ATP1A2: variants seen among roughly 807,000 people sequenced by gnomAD.
ATP1A2 encodes the protein ATPase Na+/K+ transporting subunit alpha 2.
A neutral mutation model predicts 113.1 loss-of-function variants in ATP1A2; 56 were observed. The ratio of observed to expected loss-of-function variants is 0.49; its 90% CI spans 0.40 to 0.62. The LOEUF (loss-of-function observed/expected upper bound fraction) is 0.62, where lower values mean the gene tolerates loss of function less well. Among genes scored for constraint, ATP1A2 ranks in the 20% least tolerant of loss-of-function variants. The probability of loss-of-function intolerance (pLI) is 0.00; values close to 1 mark genes in which losing one functional copy is unlikely to be tolerated. For missense variants in ATP1A2, 712 were observed against 1,357.8 expected, an observed-to-expected ratio of 0.52 and a Z score of 7.47; for synonymous variants, 490 against 526.8, an observed-to-expected ratio of 0.93 and a Z score of 0.96.
rs1468410734 is a variant in ATP1A2, at chr1:160,120,825, TG to T, written c.13-78del. 5 of 1,435,672 alleles carry T rather than the reference TG, an allele frequency of 3.5e-6. No individual in the cohort carries two copies. In the African/African-American group the frequency reaches 5.7e-5, roughly 16 times the overall value. The allele number at this position is 1,435,672 out of a possible 1,614,324, so 88.9% of individuals were successfully genotyped here. On this transcript the variant is annotated intron_variant, in intron 1 of 22. Transcript: ENST00000361216. ...CTTTTGAACACACACCCCCACTGCC[TG>T]GGCTCCCTGGCTGAGTGGTGGGAAT...
Position 160,136,333 on chromosome 1 carries a change from G to A in ATP1A2, c.2526G>A (p.Val842=), listed in dbSNP as rs777716327. The stretch of plus-strand genomic sequence containing the variant: ...GAAACTCCCAGACGGACAAGCTGGT[G>A]AATGAGAGGCTCATCAGCATGGCCT... The part of the protein sequence containing the change: ...QPRNSQTDKL[V]NERLISMAYG... The change falls in exon 18 of 23, where the codon GTG becomes GTA. Residue 842 remains valine (V), a synonymous_variant. Coordinates refer to ENST00000361216, the MANE Select transcript of ATP1A2 (RefSeq NM_000702.4). 47 of 1,614,078 alleles carry A rather than the reference G, an allele frequency of 2.9e-5. 1 individual carries two copies. The South Asian group carries it at 4.9e-4, about 17-fold the overall frequency.
chr1:160,124,438 G>C lies in ATP1A2; in HGVS notation c.630+8G>C. The C allele has an allele frequency of 1.9e-6, 3 of 1,601,812 alleles. No homozygotes were observed. The highest frequency in any genetic ancestry group is 2.6e-6 in the Non-Finnish European group (3 of 1,174,096). On this transcript the variant is annotated splice_region_variant and intron_variant, in intron 6 of 22. Transcript: ENST00000361216. ...TCTTCTCATGGCTGTAAGGTGAGGA[G>C]GTCATACCAGAGCAAGCAGTTGAGT...
Position 160,135,213 on chromosome 1 carries a change from T to G in ATP1A2, c.2033T>G (p.Ile678Ser). The G allele has an allele frequency of 6.2e-7, 1 of 1,614,134 alleles. No individual in the cohort carries two copies. Among genetic ancestry groups the G allele is most frequent in the Non-Finnish European group, 8.5e-7 (1 of 1,180,016 alleles). The change falls in exon 15 of 23, where the codon ATC becomes AGC. Residue 678 changes from isoleucine (I) to serine (S), a missense_variant. This residue lies in a region of ATP1A2 where 263 missense variants were observed against 380.6 expected (regional missense o/e 0.69). Coordinates refer to ENST00000361216, the MANE Select transcript of ATP1A2 (RefSeq NM_000702.4). This position sits in a 1 kb window ranked among gnomAD's most constrained non-coding sequence, Gnocchi z 6.3. ...KDMTSEQLDE[I>S]LKNHTEIVFA... ...ATGACATCGGAGCAGCTCGATGAGA[T>G]CCTCAAGAACCACACAGAGATCGTC...
rs1311282919 is a variant in ATP1A2, at chr1:160,141,659, A to G, written c.*337A>G. 1 of 374,616 alleles carries G rather than the reference A, an allele frequency of 2.7e-6. No homozygotes were observed. The highest frequency in any genetic ancestry group is 5.1e-6 in the Non-Finnish European group (1 of 196,758). The allele number at this position is 374,616 out of a possible 1,614,324, so 23.2% of individuals were successfully genotyped here. A position where few individuals can be genotyped will look rare whatever the true frequency, so the allele number is the denominator to read the frequency against. ...CCCTTCAACCCCACTTCCTACTGTA[A>G]TAGATCAGCATCCAAAAGCAGGAAC... On this transcript the variant is annotated 3_prime_UTR_variant, in exon 23 of 23. Transcript: ENST00000361216.
In ATP1A2 at chr1:160,141,278, C is replaced by A; in HGVS notation, c.3035-16C>A. 1 of 1,614,010 alleles carries A rather than the reference C, an allele frequency of 6.2e-7. No individual in the cohort carries two copies. The highest frequency in any genetic ancestry group is 1.1e-5 in the South Asian group (1 of 91,076). ...TAAGCTCATGCTGCAATCTCCACTC[C>A]CAATCTCTCTAACAGGCTGGGTGGA... On this transcript the variant is annotated splice_polypyrimidine_tract_variant and intron_variant, in intron 22 of 22. Coordinates refer to ENST00000361216, the MANE Select transcript of ATP1A2 (RefSeq NM_000702.4).
chr1:160,122,087 A>G (rs1357102874), intron 3 of ATP1A2, among the ~76,000 whole-genome samples: 1 of 152,136 alleles, frequency 6.6e-6, no homozygotes, highest in Non-Finnish European at 1.5e-5. Context: ...AGCCGAGATC[A>G]TACCACTGTA....
At chr1:160,117,124 G>A (rs1209412383) in intron 1 of ATP1A2, among the ~76,000 whole-genome samples, 3 of 152,164 alleles carry the variant, frequency 2.0e-5, no homozygotes, top group African/African-American at 4.8e-5. Flanking sequence ...GGGTGCTTGA[G>A]AGTCTGTGAG....
intron 20 of ATP1A2, 29 bp from the exon 21 acceptor site, chr1:160,139,611 A>G: frequency 6.2e-7 from 1 of 1,602,908 alleles, no homozygotes; most frequent in Non-Finnish European, 8.5e-7. Flanking sequence ...ATCCCCCTTC[A>G]CCTGCCACCT....
intron 13 of ATP1A2, among the ~76,000 whole-genome samples, chr1:160,133,574 T>C (rs1013549545): frequency 1.1e-4 from 17 of 152,136 alleles, no homozygotes; most frequent in Non-Finnish European, 2.4e-4. Flanking sequence ...CCAGGGAGGA[T>C]GTCAGAGGCA....
At chr1:160,130,740 G>A in intron 13 of ATP1A2, 143 bp downstream of exon 13, 1 of 1,215,200 alleles carries the variant, frequency 8.2e-7, no homozygotes, top group Admixed American at 2.3e-5. Context: ...CATCTGCAAG[G>A]AAAGGCCCAC....
chr1:160,128,399 C>T (rs558199088), intron 8 of ATP1A2: 1 of 1,046,128 alleles, frequency 9.6e-7, no homozygotes, highest in East Asian at 2.8e-5. Context: ...CATCCCTATG[C>T]TCAGCTCTGC....
Position 160,123,324 on chromosome 1 carries a change from G to T in ATP1A2, c.289G>T (p.Gly97Trp). 1 of 1,614,204 alleles carries T rather than the reference G, an allele frequency of 6.2e-7. No individual in the cohort carries two copies. Among genetic ancestry groups the T allele is most frequent in the South Asian group, 1.1e-5 (1 of 91,082 alleles). ...WVKFCRQLFGGFSILLWIGAI... is the reference protein window; with the variant it reads ...WVKFCRQLFGWFSILLWIGAI... ...CAAGTTCTGCCGTCAGCTTTTCGGG[G>T]GGTTCTCCATCCTGCTGTGGATTGG... Residue 97 changes from glycine (G) to tryptophan (W), a missense_variant, in exon 4 of 23, where the codon GGG becomes TGG. Physicochemically the swap from Gly to Trp is radical, Grantham distance 184. Around this residue, in one of 6 missense-constraint regions of ATP1A2, gnomAD observed 109 missense variants for 162.3 expected, o/e 0.67. Coordinates refer to ENST00000361216, the MANE Select transcript of ATP1A2 (RefSeq NM_000702.4).
At chr1:160,116,029 G>A (rs1184720183) in intron 1 of ATP1A2, among the ~76,000 whole-genome samples, 156 bp downstream of exon 1, 1 of 152,122 alleles carries the variant, frequency 6.6e-6, no homozygotes, top group South Asian at 2.1e-4. Flanking sequence ...ACCAATGTGT[G>A]TACAGATCCC....
chr1:160,120,778 A>G (rs1257968712), intron 1 of ATP1A2, 128 bp from the exon 2 acceptor site: 13 of 922,674 alleles, frequency 1.4e-5, no homozygotes, highest in East Asian at 1.1e-4. Context: ...CATCCCCCCT[A>G]TCTCCCCCAA....
intron 8 of ATP1A2, 197 bp from the exon 9 acceptor site, chr1:160,128,455 T>C (rs1039704728): frequency 6.7e-6 from 10 of 1,496,180 alleles, no homozygotes; most frequent in Non-Finnish European, 8.1e-6. Context: ...AACCCCCTAA[T>C]GGGCATTTCA....
In ATP1A2 at chr1:160,134,235, C is replaced by CA. The variant is rs1558007993; in HGVS notation, c.1828-249_1828-248insA. ...CCCCTCACACACACACAATCCCCAC[C>CA]CACACACACACACACACATCCTACA... On this transcript the variant is annotated intron_variant, in intron 13 of 22. Transcript: ENST00000361216. 2.6e-3 allele frequency among the ~76,000 whole-genome samples: 315 copies of CA among 122,974 alleles called. 1 individual carries two copies. The highest frequency in any genetic ancestry group is 5.3e-3 in the Admixed American group (65 of 12,232). The allele number at this position is 122,974 out of a possible 152,430, so 80.7% of individuals were successfully genotyped here.
chr1:160,139,969 C>G lies in ATP1A2; in HGVS notation c.3019C>G (p.Arg1007Gly). 6.2e-7 allele frequency: 1 copy of G among 1,613,938 alleles called. No homozygotes were observed. Residue 1007 changes from arginine to glycine, a missense_variant, in exon 22 of 23, where the codon CGG (arginine) becomes GGG (glycine). Transcript: ENST00000361216. Reference protein sequence around the residue: ...IYDEVRKLILRRYPGGWVEKE... With the variant: ...IYDEVRKLILGRYPGGWVEKE... ...TGATGAGGTCCGAAAGCTCATCCTG[C>G]GGCGGTATCCTGGTGGTAAGCCCCT...
chr1:160,129,914 G>A (rs1651714090), intron 11 of ATP1A2, among the ~76,000 whole-genome samples, 188 bp from the exon 12 acceptor site: 1 of 152,124 alleles, frequency 6.6e-6, no homozygotes, highest in Admixed American at 6.5e-5. Flanking sequence ...CTACGGAGGT[G>A]GCTCTCAGGT....
rs533400580 is a variant in ATP1A2, at chr1:160,129,349, C to G, written c.1410C>G (p.Asp470Glu). 36 of 1,614,032 alleles carry G rather than the reference C, an allele frequency of 2.2e-5. No individual in the cohort carries two copies. Among genetic ancestry groups the G allele is most frequent in the Non-Finnish European group, 2.6e-5 (31 of 1,180,054 alleles). Residue 470 changes from aspartate to glutamate, a missense_variant, in exon 11 of 23, where the codon GAC (aspartate) becomes GAG (glutamate). By Grantham distance (45) the Asp-to-Glu change is conservative. Transcript: ENST00000361216. ...LSCGSVRKMRDRNPKVAEIPF... is the reference protein window; with the variant it reads ...LSCGSVRKMRERNPKVAEIPF... ...GTGGCTCAGTGAGGAAAATGAGAGA[C>G]AGAAACCCCAAGGTGGCAGAGATTC...
Sources: gnomAD v4.1 joint callset for allele counts (sites outside exome capture counted in the v4.1 genomes callset) on GRCh38, gnomAD v4.1.1 for gene constraint, gnomAD v4.1.1 regional missense constraint, Gnocchi (gnomAD v3.1) non-coding constraint, MANE v1.5 for transcripts, NCBI Gene and HGNC (gene_info 2026-07-23, HGNC 2026-07-21) for gene names.